The following CDC123 variants were observed in gnomAD, a reference collection of about 807,000 sequenced individuals.
The protein encoded by CDC123 is translation initiation factor eIF2 assembly protein.
A neutral mutation model predicts 54.4 loss-of-function variants in CDC123; 37 were observed. That is an observed-to-expected ratio of 0.68 (90% CI 0.52 to 0.89). The LOEUF (loss-of-function observed/expected upper bound fraction) is 0.89, where lower values mean the gene tolerates loss of function less well. CDC123 is among the 40% of genes least tolerant of loss of function. CDC123 has a pLI of 0.00. For synonymous variants in CDC123, 144 were observed against 136.8 expected (o/e 1.05, Z -0.37); for missense variants, 361 against 412.1 (o/e 0.88, Z 1.07).
intron 2 of CDC123, among the ~76,000 whole-genome samples, chr10:12,209,459 TC>T (rs1236435629): frequency 6.6e-6 from 1 of 152,232 alleles, no homozygotes; most frequent in African/African-American, 2.4e-5. Context: ...GGTCTCAAAC[TC>T]CTGGGCTCAA....
intron 10 of CDC123, among the ~76,000 whole-genome samples, chr10:12,243,107 A>G (rs1467300095): frequency 7.3e-6 from 1 of 137,182 alleles, no homozygotes; most frequent in Non-Finnish European, 1.7e-5. Flanking sequence ...TCATTTAAAA[A>G]TGTGTTTTGG....
Position 12,207,102 on chromosome 10 carries a change from A to G in CDC123, c.147-2865A>G, listed in dbSNP as rs1249978797. Among the ~76,000 whole-genome samples, 4 of 152,186 alleles carry G rather than the reference A, an allele frequency of 2.6e-5. No individual in the cohort carries two copies. The East Asian group carries it at 7.7e-4, about 29-fold the overall frequency. On this transcript the variant is annotated intron_variant, in intron 2 of 12. Transcript: ENST00000281141. ...AATTTTCCTGTTTCAGGATATTAAA[A>G]AAGAATCTTTGATAATTTCCTCTAA...
intron 6 of CDC123, among the ~76,000 whole-genome samples, chr10:12,228,229 C>T (rs966727497): frequency 6.6e-6 from 1 of 152,068 alleles, no homozygotes; most frequent in African/African-American, 2.4e-5. Flanking sequence ...GCCCTGTGCC[C>T]AGTCCTTAAT....
At position 12,249,723 on chromosome 10, in the gene CDC123, A is replaced by C; in HGVS notation, c.984+5A>C. 6.3e-7 allele frequency: 1 copy of C among 1,598,738 alleles called. No homozygotes were observed. Among genetic ancestry groups the C allele is most frequent in the Non-Finnish European group, 8.5e-7 (1 of 1,174,756 alleles). On this transcript the variant is annotated splice_donor_5th_base_variant and intron_variant, in intron 12 of 12. Coordinates refer to ENST00000281141, the MANE Select transcript of CDC123 (RefSeq NM_006023.3). ...CTAATAGACTTCCTTAAGCTGGTAAAGTCTATGTGCATTTAGTATGCTGGC... is the reference window on the plus strand; with the variant it reads ...CTAATAGACTTCCTTAAGCTGGTAACGTCTATGTGCATTTAGTATGCTGGC...
intron 2 of CDC123, 94 bp from the exon 3 acceptor site, chr10:12,209,873 G>A (rs2131736253): frequency 1.7e-6 from 2 of 1,209,176 alleles, no homozygotes; most frequent in East Asian, 4.7e-5. Flanking sequence ...CTAATTTTAA[G>A]GCTATTTAAA....
intron 12 of CDC123, 31 bp downstream of exon 12, chr10:12,249,749 C>T (rs1412980669): frequency 6.4e-7 from 1 of 1,569,998 alleles, no homozygotes; most frequent in Admixed American, 2.0e-5. Flanking sequence ...GTATGCTGGC[C>T]ATCTTTTCAA....
chr10:12,210,264 T>G, intron 3 of CDC123, 26 bp from the exon 4 acceptor site: 2 of 1,613,434 alleles, frequency 1.2e-6, no homozygotes, highest in African/African-American at 1.3e-5. Context: ...ATTTAATGTT[T>G]TATTTTTTTC....
At chr10:12,225,808 G>C (rs11257606) in intron 6 of CDC123, among the ~76,000 whole-genome samples, 1 of 136,864 alleles carries the variant, frequency 7.3e-6, no homozygotes, top group Non-Finnish European at 1.5e-5. Context: ...GTTTCTCAGA[G>C]AGGGGGATTT....
chr10:12,218,322 G>C (rs886774463), intron 6 of CDC123, among the ~76,000 whole-genome samples: 1 of 143,082 alleles, frequency 7.0e-6, no homozygotes, highest in African/African-American at 2.6e-5. Context: ...TCTCAGCTCA[G>C]TGCAACCTCT....
At chr10:12,232,753 G>T (rs1835918374) in intron 7 of CDC123, among the ~76,000 whole-genome samples, 3 of 151,682 alleles carry the variant, frequency 2.0e-5, no homozygotes, top group Non-Finnish European at 4.4e-5. Flanking sequence ...GGTGCTTTCT[G>T]CCAGGTATGA....
intron 6 of CDC123, among the ~76,000 whole-genome samples, chr10:12,228,259 CTGT>C (rs941637217): frequency 6.6e-6 from 1 of 152,082 alleles, no homozygotes; most frequent in Non-Finnish European, 1.5e-5. Flanking sequence ...CGTAAAATAA[CTGT>C]TAAGCTTAAT....
intron 1 of CDC123, among the ~76,000 whole-genome samples, chr10:12,197,381 A>G (rs10906096): frequency 0.18 from 27,408 of 150,532 alleles, 2,745 homozygotes; most frequent in East Asian, 0.4. Flanking sequence ...GAAGAACTAG[A>G]TTTTTTTTTT....
At chr10:12,231,670 C>T (rs1349462122) in intron 7 of CDC123, among the ~76,000 whole-genome samples, 1 of 146,324 alleles carries the variant, frequency 6.8e-6, no homozygotes, top group Non-Finnish European at 1.5e-5. Flanking sequence ...GAAAAAACAA[C>T]TTCATTAGAA....
chr10:12,204,232 C>T (rs558338356), intron 2 of CDC123, among the ~76,000 whole-genome samples: 2 of 152,248 alleles, frequency 1.3e-5, no homozygotes, highest in Admixed American at 1.3e-4. Flanking sequence ...GGGTCTGACG[C>T]AGGTGGTACC....
Position 12,204,106 on chromosome 10 carries a change from A to AAT in CDC123, c.146+5331_146+5332insTA, listed in dbSNP as rs1588669575. Among the ~76,000 whole-genome samples the AAT allele has an allele frequency of 7.9e-5, 12 of 151,108 alleles. No homozygotes were observed. In the East Asian group the frequency reaches 2.0e-3, roughly 25 times the overall value. On this transcript the variant is annotated intron_variant, in intron 2 of 12. Transcript: ENST00000281141. ...AGACCTTGTCTCAAAAAAAAAAAAA[A>AAT]AAAAGTATCAGGTATTCTGATAAGT...
intron 2 of CDC123, among the ~76,000 whole-genome samples, chr10:12,208,225 T>A (rs1835546991): frequency 6.6e-6 from 1 of 152,222 alleles, no homozygotes; most frequent in Non-Finnish European, 1.5e-5. Flanking sequence ...TGATTATTTT[T>A]CTCAATGATA....
intron 1 of CDC123, among the ~76,000 whole-genome samples, chr10:12,196,841 CATTTGTTAGCTAA>C (rs1835359257): frequency 6.6e-6 from 1 of 152,160 alleles, no homozygotes; most frequent in African/African-American, 2.4e-5. Context: ...TTAGGCAATG[CATTTGTTAGCTAA>C]ATTTATTCCA....
At chr10:12,198,430 C>G (rs1835394329) in intron 1 of CDC123, among the ~76,000 whole-genome samples, 1 of 152,184 alleles carries the variant, frequency 6.6e-6, no homozygotes, top group Non-Finnish European at 1.5e-5. Context: ...CACTCAGAAT[C>G]CTTTTGAGCT....
intron 6 of CDC123, among the ~76,000 whole-genome samples, chr10:12,219,931 G>A (rs1286006717): frequency 2.0e-5 from 3 of 152,016 alleles, no homozygotes; most frequent in East Asian, 1.9e-4. Flanking sequence ...CTCGTGATCC[G>A]CCTGCCTAGG....
Sources: gnomAD v4.1 joint callset for allele counts (sites outside exome capture counted in the v4.1 genomes callset) on GRCh38, gnomAD v4.1.1 for gene constraint, MANE v1.5 for transcripts, NCBI Gene and HGNC (gene_info 2026-07-23, HGNC 2026-07-21) for gene names.